FGGY: variants seen among roughly 807,000 people sequenced by gnomAD.
FGGY encodes FGGY carbohydrate kinase domain-containing protein.
A neutral mutation model predicts 71.3 loss-of-function variants in FGGY; 72 were observed. The observed-to-expected ratio is 1.01, with a 90% CI of 0.84 to 1.23. The LOEUF (loss-of-function observed/expected upper bound fraction) is 1.23. Among genes scored for constraint, FGGY ranks in the 50% most tolerant of loss-of-function variants. The pLI, the probability that FGGY is intolerant of heterozygous loss-of-function variation, is 0.00. For missense variants in FGGY, 668 were observed against 682.3 expected (o/e 0.98, Z 0.23); for synonymous variants, 251 against 250.3 (o/e 1.00, Z -0.02).
intron 5 of FGGY, among the ~76,000 whole-genome samples, chr1:59,431,082 C>T (rs2067277093): frequency 6.6e-6 from 1 of 152,106 alleles, no homozygotes; most frequent in African/African-American, 2.4e-5. Flanking sequence ...ATCCATTGCC[C>T]TCCTAACTAG....
At chr1:59,629,055 G>A (rs527435688) in intron 10 of FGGY, among the ~76,000 whole-genome samples, 8 of 152,184 alleles carry the variant, frequency 5.3e-5, no homozygotes, top group Non-Finnish European at 7.4e-5. Context: ...ATCACACACC[G>A]AGGCCTGTCG....
At chr1:59,393,066 A>G (rs1458646473) in intron 5 of FGGY, 1 of 152,204 alleles carries the variant, frequency 6.6e-6, no homozygotes, top group Admixed American at 6.5e-5. Flanking sequence ...CTCTGGGTCT[A>G]TATAAGGTGG....
At chr1:59,373,070 CAGG>C (rs2057989160) in intron 4 of FGGY, among the ~76,000 whole-genome samples, 2 of 152,036 alleles carry the variant, frequency 1.3e-5, no homozygotes, top group Admixed American at 1.3e-4. Context: ...GGCAATTAGG[CAGG>C]AGAAGGAAAG....
intron 6 of FGGY, among the ~76,000 whole-genome samples, chr1:59,473,863 G>A (rs921348562): frequency 2.6e-5 from 4 of 152,160 alleles, no homozygotes; most frequent in East Asian, 3.8e-4. Flanking sequence ...TTTGTGTGTC[G>A]GGGCAGGTGG....
intron 9 of FGGY, among the ~76,000 whole-genome samples, chr1:59,619,097 A>G (rs2153833137): frequency 6.6e-6 from 1 of 152,254 alleles, no homozygotes; most frequent in South Asian, 2.1e-4. Flanking sequence ...TCTTTCTGAA[A>G]CAGTTATGAG....
At chr1:59,627,485 T>C (rs868010622) in intron 10 of FGGY, among the ~76,000 whole-genome samples, 4,131 of 113,822 alleles carry the variant, frequency 0.036, 254 homozygotes, top group African/African-American at 0.17. Flanking sequence ...TATATATATA[T>C]ATATACACAC....
At chr1:59,531,719 A>G (rs1405611904) in intron 7 of FGGY, among the ~76,000 whole-genome samples, 1 of 152,182 alleles carries the variant, frequency 6.6e-6, no homozygotes, top group Non-Finnish European at 1.5e-5. Context: ...AAGTATATAT[A>G]TTTGAGTTTG....
At chr1:59,704,694 A>G (rs1046224429) in intron 14 of FGGY, among the ~76,000 whole-genome samples, 5 of 152,154 alleles carry the variant, frequency 3.3e-5, no homozygotes, top group African/African-American at 1.2e-4. Context: ...GTGTTGATAG[A>G]CCTTTAGGTA....
chr1:59,414,938 T>C (rs1241312597), intron 5 of FGGY, among the ~76,000 whole-genome samples: 2 of 152,216 alleles, frequency 1.3e-5, no homozygotes, highest in Non-Finnish European at 2.9e-5. Context: ...GAGATTGAAT[T>C]TGAAGAGCAC....
intron 9 of FGGY, among the ~76,000 whole-genome samples, chr1:59,613,531 C>T (rs1386005199): frequency 6.6e-6 from 1 of 152,024 alleles, no homozygotes; most frequent in African/African-American, 2.4e-5. Flanking sequence ...ACTAAATGCC[C>T]ACAAGAGAAA....
intron 5 of FGGY, among the ~76,000 whole-genome samples, chr1:59,431,002 C>A (rs779665108): frequency 6.6e-6 from 1 of 152,170 alleles, no homozygotes; most frequent in Non-Finnish European, 1.5e-5. Flanking sequence ...ACCTTGATGG[C>A]ATGCCTTCCA....
chr1:59,758,406 TTTACTGAA>T, intron 15 of FGGY, among the ~76,000 whole-genome samples: 1 of 152,328 alleles, frequency 6.6e-6, no homozygotes, highest in South Asian at 2.1e-4. Flanking sequence ...AAAATATTAG[TTTACTGAA>T]TTCCTGCTAT....
At chr1:59,751,058 A>G (rs2098241175) in intron 14 of FGGY, among the ~76,000 whole-genome samples, 1 of 152,204 alleles carries the variant, frequency 6.6e-6, no homozygotes, top group Non-Finnish European at 1.5e-5. Flanking sequence ...TGTTTTCATG[A>G]CAGGGAGAAT....
chr1:59,492,682 C>T (rs2093905072), intron 6 of FGGY, among the ~76,000 whole-genome samples: 1 of 151,882 alleles, frequency 6.6e-6, no homozygotes, highest in Admixed American at 6.6e-5. Flanking sequence ...TCTGTTTTTC[C>T]TTTCCAGGTA....
intron 2 of FGGY, among the ~76,000 whole-genome samples, chr1:59,329,266 G>T (rs1362293250): frequency 6.6e-6 from 1 of 152,094 alleles, no homozygotes; most frequent in Non-Finnish European, 1.5e-5. Flanking sequence ...TAAATGTTTT[G>T]TTTGTGCTGT....
intron 1 of FGGY, among the ~76,000 whole-genome samples, chr1:59,320,658 TA>T (rs1176084698): frequency 6.6e-6 from 1 of 152,240 alleles, no homozygotes; most frequent in African/African-American, 2.4e-5. Context: ...ACAGATTGTC[TA>T]ACTAATTGCT....
chr1:59,610,732 G>A (rs1436870105), intron 9 of FGGY, among the ~76,000 whole-genome samples: 1 of 152,246 alleles, frequency 6.6e-6, no homozygotes, highest in South Asian at 2.1e-4. Context: ...CACCCGGGAA[G>A]CACAAGGGGT....
At chr1:59,616,721 A>G (rs1283718571) in intron 9 of FGGY, among the ~76,000 whole-genome samples, 8 of 152,068 alleles carry the variant, frequency 5.3e-5, no homozygotes, top group Admixed American at 5.2e-4. Flanking sequence ...GGATTTATAG[A>G]CATAATTCTG....
intron 4 of FGGY, among the ~76,000 whole-genome samples, chr1:59,371,084 G>A (rs1300133653): frequency 1.3e-5 from 2 of 152,174 alleles, no homozygotes; most frequent in East Asian, 1.9e-4. Context: ...AATGGACTAA[G>A]TGCTCCAATT....
Sources: gnomAD v4.1 joint callset for allele counts (sites outside exome capture counted in the v4.1 genomes callset) on GRCh38, gnomAD v4.1.1 for gene constraint, MANE v1.5 for transcripts, NCBI Gene and HGNC (gene_info 2026-07-23, HGNC 2026-07-21) for gene names.